ABHD16A: variants seen among roughly 807,000 people sequenced by gnomAD.
ABHD16A encodes abhydrolase domain containing 16A, phospholipase, also known as phosphatidylserine lipase ABHD16A.
In ABHD16A, 47 loss-of-function variants were observed where a neutral mutation model predicts 89.8. That is an observed-to-expected ratio of 0.52 (90% CI 0.41 to 0.67). The LOEUF (loss-of-function observed/expected upper bound fraction) is 0.67. Among genes scored for constraint, ABHD16A ranks in the 30% least tolerant of loss-of-function variants. The pLI, the probability that ABHD16A is intolerant of heterozygous loss-of-function variation, is 0.00. For synonymous variants in ABHD16A, 251 were observed against 280.4 expected, an observed-to-expected ratio of 0.90 and a Z score of 1.05; for missense variants, 580 against 734.6, an observed-to-expected ratio of 0.79 and a Z score of 2.43.
intron 4 of ABHD16A, among the ~76,000 whole-genome samples, chr6:31,699,525 T>G (rs150882161): frequency 2.0e-5 from 3 of 149,784 alleles, no homozygotes; most frequent in Non-Finnish European, 2.9e-5. Flanking sequence ...TACATTATTT[T>G]GTGGTTAGCT....
Position 31,687,326 on chromosome 6 carries a change from C to T in ABHD16A, c.1594-31G>A, listed in dbSNP as rs754679093. The T allele has an allele frequency of 3.7e-6, 6 of 1,610,062 alleles. No homozygotes were observed. Among genetic ancestry groups the T allele is most frequent in the Non-Finnish European group, 4.2e-6 (5 of 1,177,796 alleles). On this transcript the variant is annotated intron_variant, in intron 19 of 19. Transcript: ENST00000395952. The surrounding 1 kb of genome is among the most constrained non-coding windows in gnomAD (Gnocchi z 6.3). The stretch of plus-strand genomic sequence containing the variant: ...GAAAGGAGGTGGGACAGGTGGGGTA[C>T]AGAGCACTGTTGGGAGGGGCAGCCA...
intron 4 of ABHD16A, among the ~76,000 whole-genome samples, chr6:31,699,117 C>T (rs1804655481): frequency 6.6e-6 from 1 of 152,096 alleles, no homozygotes; most frequent in South Asian, 2.1e-4. Context: ...TTGAGAAAAC[C>T]ATGCCCTTGC....
intron 4 of ABHD16A, among the ~76,000 whole-genome samples, chr6:31,699,304 G>A (rs1161275414): frequency 1.3e-5 from 2 of 151,274 alleles, no homozygotes; most frequent in Non-Finnish European, 1.5e-5. Context: ...AGCTACTCGG[G>A]AGGCTGAAGC....
chr6:31,691,997 C>G (rs750451066), intron 7 of ABHD16A, 79 bp from the exon 8 acceptor site: 1 of 1,135,494 alleles, frequency 8.8e-7, no homozygotes, highest in Non-Finnish European at 1.2e-6. Context: ...AGCCCTAGCA[C>G]TCACAGACTG....
Position 31,697,272 on chromosome 6 carries a change from A to G in ABHD16A, c.344-239T>C, listed in dbSNP as rs17207350. 2.2e-3 allele frequency among the ~76,000 whole-genome samples: 342 copies of G among 152,332 alleles called. 1 individual carries two copies. The highest frequency in any genetic ancestry group is 7.7e-3 in the African/African-American group (321 of 41,568). ...TTCTGCAGTTTGTGTCTTTATAGACAATCCTTAACCTACCATCTTCCAGAA... is the reference window on the plus strand; with the variant it reads ...TTCTGCAGTTTGTGTCTTTATAGACGATCCTTAACCTACCATCTTCCAGAA... On this transcript the variant is annotated intron_variant, in intron 4 of 19. Coordinates refer to ENST00000395952, the MANE Select transcript of ABHD16A (RefSeq NM_021160.3).
rs558293372 is a variant in ABHD16A at position 31,689,606 on chromosome 6, G to A, written c.1056C>T (p.Tyr352=). The A allele has an allele frequency of 1.4e-5, 23 of 1,608,640 alleles. No homozygotes were observed. Among genetic ancestry groups the A allele is most frequent in the East Asian group, 6.7e-5 (3 of 44,652 alleles). The change falls in exon 12 of 20, where the codon TAC becomes TAT. Residue 352 remains tyrosine (Y), a synonymous_variant. Coordinates refer to ENST00000395952, the MANE Select transcript of ABHD16A (RefSeq NM_021160.3). ...CAGTGAAGCCGCCGATGGACCAGGC[G>A]TAGATGATGATGTCCTGGGGCTGGA... ...LGFQPQDIII[Y]AWSIGGFTAT... is the part of the protein sequence containing the mutation.
intron 3 of ABHD16A, 39 bp downstream of exon 3, chr6:31,701,235 G>T: frequency 6.3e-7 from 1 of 1,580,608 alleles, no homozygotes; most frequent in Non-Finnish European, 8.7e-7. Flanking sequence ...CCAACAACCT[G>T]CCCATTTGCT....
At chr6:31,703,110 G>A in intron 1 of ABHD16A, 40 bp downstream of exon 1, 2 of 1,416,250 alleles carry the variant, frequency 1.4e-6, no homozygotes, top group Admixed American at 5.5e-5. Context: ...AAAGGGTTTG[G>A]ACTGTACCAC....
Position 31,689,609 on chromosome 6 carries a change from G to T in ABHD16A, c.1053C>A (p.Ile351=). Residue 351 remains isoleucine, a synonymous_variant, in exon 12 of 20, where the codon ATC becomes ATA. Transcript: ENST00000395952. The part of the protein sequence containing the change: ...RLGFQPQDII[I]YAWSIGGFTA... Reference sequence around the variant, plus strand: ...TGAAGCCGCCGATGGACCAGGCGTAGATGATGATGTCCTGGGGCTGGAAGC... The same window carrying T: ...TGAAGCCGCCGATGGACCAGGCGTATATGATGATGTCCTGGGGCTGGAAGC... 6.2e-7 allele frequency: 1 copy of T among 1,609,664 alleles called. No homozygotes were observed. The highest frequency in any genetic ancestry group is 1.3e-5 in the African/African-American group (1 of 74,978).
chr6:31,688,612 A>T lies in ABHD16A; in HGVS notation c.1250+111T>A. 7.8e-7 allele frequency: 1 copy of T among 1,276,498 alleles called. No homozygotes were observed. The highest frequency in any genetic ancestry group is 1.1e-6 in the Non-Finnish European group (1 of 902,780). 79.1% of individuals were successfully genotyped at this position (1,276,498 alleles called of 1,614,324 possible). On this transcript the variant is annotated intron_variant, in intron 14 of 19. Transcript: ENST00000395952. The surrounding 1 kb of genome is among the most constrained non-coding windows in gnomAD (Gnocchi z 4.9). ...TGGTGGCAGGGTCACTCAGGATGTG[A>T]GCCAGTGGCCTTTTACCAACTTGCA... is the stretch of plus-strand genomic sequence containing the variant.
chr6:31,690,056 G>C lies in ABHD16A; in HGVS notation c.957+22C>G, dbSNP rs781733667. ...AACAGACATAATTCAGGAAAAGGAA[G>C]GGATTCCTGAGATGGTCTCACCGTG... On this transcript the variant is annotated intron_variant, in intron 11 of 19. Coordinates refer to ENST00000395952, the MANE Select transcript of ABHD16A (RefSeq NM_021160.3). The surrounding 1 kb of genome is among the most constrained non-coding windows in gnomAD (Gnocchi z 4.1). 1 of 1,570,598 alleles carries C rather than the reference G, an allele frequency of 6.4e-7. No homozygotes were observed. Among genetic ancestry groups the C allele is most frequent in the Non-Finnish European group, 8.6e-7 (1 of 1,159,368 alleles).
At position 31,687,110 on chromosome 6, in the gene ABHD16A, C is replaced by T. The variant is rs78305261; in HGVS notation, c.*102G>A. The T allele has an allele frequency of 8.3e-7, 1 of 1,205,404 alleles. No individual in the cohort carries two copies. 74.7% of individuals were successfully genotyped at this position (1,205,404 alleles called of 1,614,324 possible). A position where few individuals can be genotyped will look rare whatever the true frequency, so the allele number is the denominator to read the frequency against. ...AAGGGGGATGGTCCCCCACTTTCCA[C>T]AAACTATAAACAGCAACATGAACAC... On this transcript the variant is annotated 3_prime_UTR_variant, in exon 20 of 20. Transcript: ENST00000395952. This position sits in a 1 kb window ranked among gnomAD's most constrained non-coding sequence, Gnocchi z 6.3.
At chr6:31,697,728 A>G (rs1203781930) in intron 4 of ABHD16A, among the ~76,000 whole-genome samples, 2 of 152,062 alleles carry the variant, frequency 1.3e-5, no homozygotes. Flanking sequence ...TTTCACTTAC[A>G]CAGTCAGTGA....
intron 7 of ABHD16A, 58 bp downstream of exon 7, chr6:31,692,969 A>G (rs1332346230): frequency 6.2e-7 from 1 of 1,612,664 alleles, no homozygotes; most frequent in Admixed American, 1.7e-5. Flanking sequence ...CCACTCCCAG[A>G]GCACTCCTGA....
intron 7 of ABHD16A, 43 bp downstream of exon 7, chr6:31,692,984 G>T: frequency 6.2e-7 from 1 of 1,614,078 alleles, no homozygotes; most frequent in Non-Finnish European, 8.5e-7. Flanking sequence ...TCCTGAAATG[G>T]CCCCTCCACC....
chr6:31,694,979 T>C (rs1804254962), intron 5 of ABHD16A, among the ~76,000 whole-genome samples: 1 of 152,180 alleles, frequency 6.6e-6, no homozygotes. Context: ...TTGCCTCTGT[T>C]TTCTCACATT....
In ABHD16A at chr6:31,689,592, C is replaced by G. The variant is rs1199289390; in HGVS notation, c.1070G>C (p.Gly357Ala). 6.2e-7 allele frequency: 1 copy of G among 1,600,450 alleles called. No individual in the cohort carries two copies. The highest frequency in any genetic ancestry group is 1.7e-5 in the Admixed American group (1 of 58,246). ...QDIIIYAWSI[G>A]GFTATWAAMS... Reference sequence around the variant, plus strand: ...AGGGAGGCTGGTACCAGTGAAGCCGCCGATGGACCAGGCGTAGATGATGAT... The same window carrying G: ...AGGGAGGCTGGTACCAGTGAAGCCGGCGATGGACCAGGCGTAGATGATGAT... The change falls in exon 12 of 20, where the codon GGC becomes GCC. Residue 357 changes from glycine (G) to alanine (A), a missense_variant. By Grantham distance (60) the Gly-to-Ala change is moderately conservative. Coordinates refer to ENST00000395952, the MANE Select transcript of ABHD16A (RefSeq NM_021160.3).
At position 31,691,902 on chromosome 6, in the gene ABHD16A, T is replaced by C. The variant is rs778905847; in HGVS notation, c.643A>G (p.Thr215Ala). 8.7e-6 allele frequency: 14 copies of C among 1,608,074 alleles called. No individual in the cohort carries two copies. The highest frequency in any genetic ancestry group is 4.2e-4 in the Middle Eastern group (2 of 4,796). The change falls in exon 8 of 20, where the codon ACC (threonine) becomes GCC (alanine). Residue 215 changes from threonine (T) to alanine (A), a missense_variant. Thr to Ala is a moderately conservative substitution (Grantham distance 58). This residue lies in a region of ABHD16A where 415 missense variants were observed against 568.8 expected (regional missense o/e 0.73). Coordinates refer to ENST00000395952, the MANE Select transcript of ABHD16A (RefSeq NM_021160.3). ...CQITSYLVAH[T>A]LGRRMLYPGS... ...GGATACAGCATCCGGCGCCCTAGGG[T>C]GTGCGCCACCAGGTAGCTGTGGGGA...
intron 1 of ABHD16A, 47 bp downstream of exon 1, chr6:31,703,103 G>A: frequency 7.2e-7 from 1 of 1,384,260 alleles, no homozygotes; most frequent in South Asian, 1.9e-5. Context: ...AGGCCGTAAA[G>A]GGTTTGGACT....
Sources: allele counts gnomAD v4.1 joint callset (sites outside exome capture counted in the v4.1 genomes callset), GRCh38; gene constraint gnomAD v4.1.1; regional missense constraint gnomAD v4.1.1; non-coding constraint Gnocchi (gnomAD v3.1); transcripts MANE v1.5; gene names NCBI Gene and HGNC (gene_info 2026-07-23, HGNC 2026-07-21).